The following ARID1B variants were observed in gnomAD, a reference collection of about 807,000 sequenced individuals.
ARID1B encodes the protein AT-rich interactive domain-containing protein 1B.
ARID1B carries 30 observed loss-of-function variants against 212.3 expected under a neutral mutation model. The ratio of observed to expected loss-of-function variants is 0.14; its 90% CI spans 0.11 to 0.19. The LOEUF is 0.19. Ranked by LOEUF, ARID1B falls within the 10% of genes least tolerant of loss-of-function variation. ARID1B has a pLI of 1.00. For missense variants in ARID1B, 2,891 were observed against 3,204.0 expected (o/e 0.90, Z 2.36); for synonymous variants, 1,402 against 1,301.7 (o/e 1.08, Z -1.66).
chr6:156,980,799 G>C (rs565303528), intron 4 of ARID1B, among the ~76,000 whole-genome samples: 2 of 152,212 alleles, frequency 1.3e-5, no homozygotes, highest in Non-Finnish European at 1.5e-5. Context: ...GTACCCAGGA[G>C]CTCAGATTTC....
At chr6:157,081,297 G>C (rs934967340) in intron 4 of ARID1B, among the ~76,000 whole-genome samples, 8 of 152,144 alleles carry the variant, frequency 5.3e-5, no homozygotes, top group Non-Finnish European at 1.0e-4. Context: ...AATAGAGTTG[G>C]TGCCCTGCTG....
intron 13 of ARID1B, among the ~76,000 whole-genome samples, chr6:157,187,943 C>T (rs1793093653): frequency 6.6e-6 from 1 of 152,136 alleles, no homozygotes; most frequent in South Asian, 2.1e-4. Context: ...TTCTGCAGCA[C>T]TAGGCGGGCA....
chr6:157,139,614 G>C (rs966236570), intron 7 of ARID1B, among the ~76,000 whole-genome samples: 2 of 151,926 alleles, frequency 1.3e-5, no homozygotes, highest in African/African-American at 4.8e-5. Context: ...GACGCATTCG[G>C]TTCTTACCAT....
At chr6:156,840,546 C>G (rs1256238474) in intron 2 of ARID1B, among the ~76,000 whole-genome samples, 2 of 152,188 alleles carry the variant, frequency 1.3e-5, no homozygotes, top group South Asian at 2.1e-4. Context: ...CAGCTTGATG[C>G]AAAAATGTCT....
At chr6:157,022,179 G>C (rs1284300804) in intron 4 of ARID1B, 2 of 152,060 alleles carry the variant, frequency 1.3e-5, no homozygotes, top group Admixed American at 1.3e-4. Flanking sequence ...AGGTGGAGGG[G>C]CGGGGCCGGC....
chr6:156,778,559 G>A lies in ARID1B; in HGVS notation c.879G>A (p.Thr293=). The A allele has an allele frequency of 8.1e-7, 1 of 1,233,730 alleles. No individual in the cohort carries two copies. The highest frequency in any genetic ancestry group is 1.0e-6 in the Non-Finnish European group (1 of 991,002). 76.4% of individuals were successfully genotyped at this position (1,233,730 alleles called of 1,614,324 possible). Residue 293 remains threonine, a synonymous_variant, in exon 1 of 20, where the codon ACG becomes ACA. Coordinates refer to ENST00000636930, the MANE Select transcript of ARID1B (RefSeq NM_001374828.1). ...ACCCGGGCTTGGGCGCCCTGGGCACGCAGCAGCCGCCGGTCGCCGTGCCCG... is the reference window on the plus strand; with the variant it reads ...ACCCGGGCTTGGGCGCCCTGGGCACACAGCAGCCGCCGGTCGCCGTGCCCG... ...YEHPGLGALG[T]QQPPVAVPGG... is the part of the protein sequence containing the mutation.
chr6:157,149,288 T>C, intron 8 of ARID1B: 1 of 273,194 alleles, frequency 3.7e-6, no homozygotes, highest in Non-Finnish European at 7.1e-6. Context: ...GCAGTGACTT[T>C]TAAGCAGGAA....
At chr6:157,038,302 A>C (rs1187674842) in intron 4 of ARID1B, among the ~76,000 whole-genome samples, 1 of 152,172 alleles carries the variant, frequency 6.6e-6, no homozygotes, top group East Asian at 1.9e-4. Flanking sequence ...TGACTCCTCC[A>C]TGTGCTACAT....
rs1253376761 is a variant in ARID1B, at chr6:157,209,963, G to A, written c.*2072G>A. On this transcript the variant is annotated 3_prime_UTR_variant, in exon 20 of 20. Coordinates refer to ENST00000636930, the MANE Select transcript of ARID1B (RefSeq NM_001374828.1). ...TCTTCTCTTCCCTCTCCCAATCACA[G>A]TATACTCAGAATCCCCAGCCCCTCG... 2 of 232,990 alleles carry A rather than the reference G, an allele frequency of 8.6e-6. No homozygotes were observed. The highest frequency in any genetic ancestry group is 1.7e-5 in the Non-Finnish European group (2 of 118,010). 14.4% of individuals were successfully genotyped at this position (232,990 alleles called of 1,614,324 possible).
At chr6:156,888,017 C>G (rs1014862851) in intron 2 of ARID1B, among the ~76,000 whole-genome samples, 3 of 152,190 alleles carry the variant, frequency 2.0e-5, no homozygotes, top group African/African-American at 7.2e-5. Flanking sequence ...TGTCCCCACC[C>G]CATAGTTATC....
At chr6:156,929,958 C>T (rs1271925144) in intron 3 of ARID1B, among the ~76,000 whole-genome samples, 1 of 152,048 alleles carries the variant, frequency 6.6e-6, no homozygotes, top group Non-Finnish European at 1.5e-5. Context: ...CACTCATCCC[C>T]TGCTCTGGTT....
Position 157,004,351 on chromosome 6 carries a change from G to A in ARID1B, c.2247+68775G>A, listed in dbSNP as rs181707204. Among the ~76,000 whole-genome samples the A allele has an allele frequency of 4.6e-3, 671 of 145,454 alleles. 5 individuals are homozygous for A. Among genetic ancestry groups the A allele is most frequent in the African/African-American group, 0.015 (639 of 41,304 alleles). On this transcript the variant is annotated intron_variant, in intron 4 of 19. Coordinates refer to ENST00000636930, the MANE Select transcript of ARID1B (RefSeq NM_001374828.1). ...GCCTTGTAAATTATATGTTTGCTAA[G>A]TGTTTAGCAAGTGAAATCATTTTGC... is the stretch of plus-strand genomic sequence containing the variant.
chr6:156,855,421 G>A (rs60645413), intron 2 of ARID1B, among the ~76,000 whole-genome samples: 5,013 of 152,294 alleles, frequency 0.033, 274 homozygotes, highest in African/African-American at 0.11. Context: ...ACACAGACGC[G>A]TGGGATGCTG....
intron 2 of ARID1B, among the ~76,000 whole-genome samples, chr6:156,839,250 ATGGTGTTGGCCTC>A: frequency 6.6e-6 from 1 of 152,290 alleles, no homozygotes; most frequent in East Asian, 1.9e-4. Context: ...GTTCAAAGGC[ATGGTGTTGGCCTC>A]TGGTGAGGGC....
intron 1 of ARID1B, among the ~76,000 whole-genome samples, chr6:156,798,804 C>T (rs1022339618): frequency 2.6e-5 from 4 of 152,110 alleles, no homozygotes; most frequent in African/African-American, 7.2e-5. Flanking sequence ...ACTTGTGTGG[C>T]GAAAATCTTG....
At chr6:157,086,091 G>T (rs1162475362) in intron 5 of ARID1B, among the ~76,000 whole-genome samples, 1 of 152,150 alleles carries the variant, frequency 6.6e-6, no homozygotes, top group South Asian at 2.1e-4. Context: ...AGACACTTTT[G>T]TGCATGCAAA....
intron 5 of ARID1B, among the ~76,000 whole-genome samples, chr6:157,109,114 C>T (rs994116726): frequency 6.6e-6 from 1 of 152,156 alleles, no homozygotes; most frequent in African/African-American, 2.4e-5. Flanking sequence ...AAGGAGTGAC[C>T]GTCCTGAGAG....
chr6:156,993,661 T>G (rs1778403315), intron 4 of ARID1B, among the ~76,000 whole-genome samples: 2 of 152,198 alleles, frequency 1.3e-5, no homozygotes, highest in Admixed American at 6.5e-5. Context: ...ATCCCAACTT[T>G]CAAAATTTTT....
At chr6:157,050,125 A>G (rs1782497968) in intron 4 of ARID1B, among the ~76,000 whole-genome samples, 1 of 152,106 alleles carries the variant, frequency 6.6e-6, no homozygotes, top group African/African-American at 2.4e-5. Flanking sequence ...TTCCATCCCC[A>G]CAGTTTCCAT....
Sources: allele counts gnomAD v4.1 joint callset (sites outside exome capture counted in the v4.1 genomes callset), GRCh38; gene constraint gnomAD v4.1.1; transcripts MANE v1.5; gene names NCBI Gene and HGNC (gene_info 2026-07-23, HGNC 2026-07-21).